DCT: variants seen among roughly 807,000 people sequenced by gnomAD.
The protein encoded by DCT is L-dopachrome tautomerase.
Under a neutral mutation model 53.0 loss-of-function variants are expected in DCT, and 47 were observed. The ratio of observed to expected loss-of-function variants is 0.89; its 90% CI spans 0.70 to 1.13. The LOEUF (loss-of-function observed/expected upper bound fraction) is 1.13, where lower values mean the gene tolerates loss of function less well. Among genes scored for constraint, DCT ranks in the 50% most tolerant of loss-of-function variants. The probability of loss-of-function intolerance (pLI) is 0.00; values close to 1 mark genes in which losing one functional copy is unlikely to be tolerated. For missense variants in DCT, 669 were observed against 637.4 expected, an observed-to-expected ratio of 1.05 and a Z score of -0.53; for synonymous variants, 244 against 237.0, an observed-to-expected ratio of 1.03 and a Z score of -0.27.
At chr13:94,521,183 A>G in the DCT span, among the ~76,000 whole-genome samples, 12,952 of 152,188 alleles carry the variant, frequency 0.085, 1,241 homozygotes, top group African/African-American at 0.24. Flanking sequence ...AACCCCTCTG[A>G]GTTTCTGCTA....
intron 6 of DCT, among the ~76,000 whole-genome samples, chr13:94,453,595 AC>A (rs35543032): frequency 0.035 from 5,360 of 152,290 alleles, 340 homozygotes; most frequent in African/African-American, 0.12. Flanking sequence ...CTGTGTTCCC[AC>A]CCAAATCTCA....
the DCT span, among the ~76,000 whole-genome samples, chr13:94,536,441 T>C: frequency 2.6e-5 from 4 of 152,188 alleles, no homozygotes; most frequent in African/African-American, 7.2e-5. Flanking sequence ...ATCCCCAGTG[T>C]TGGAGGTGGG....
the DCT span, among the ~76,000 whole-genome samples, chr13:94,514,296 G>A: frequency 9.1e-5 from 13 of 142,084 alleles, 1 homozygote; most frequent in Non-Finnish European, 1.5e-4. Context: ...AGAAAGGGGA[G>A]GTGGCCAAAC....
chr13:94,477,306 G>A (rs1264818095), intron 1 of DCT, among the ~76,000 whole-genome samples: 1 of 152,084 alleles, frequency 6.6e-6, no homozygotes, highest in African/African-American at 2.4e-5. Context: ...ATGTTGGCCA[G>A]GCTGGTCTCA....
At chr13:94,511,119 A>C in the DCT span, among the ~76,000 whole-genome samples, 7 of 152,256 alleles carry the variant, frequency 4.6e-5, no homozygotes, top group African/African-American at 1.7e-4. Context: ...GCATCAGTGG[A>C]CTTGAGGATA....
the DCT span, among the ~76,000 whole-genome samples, chr13:94,536,992 G>A: frequency 6.6e-6 from 1 of 152,154 alleles, no homozygotes; most frequent in African/African-American, 2.4e-5. Flanking sequence ...AAGCTGAGCA[G>A]GTGTGGGTGC....
chr13:94,459,644 T>C (rs1396172982), intron 6 of DCT, among the ~76,000 whole-genome samples: 3 of 152,090 alleles, frequency 2.0e-5, no homozygotes, highest in Non-Finnish European at 2.9e-5. Flanking sequence ...TTCTTCTTTC[T>C]CAAGTAAAGC....
the DCT span, among the ~76,000 whole-genome samples, chr13:94,491,564 G>A: frequency 1.3e-5 from 2 of 152,156 alleles, no homozygotes; most frequent in Admixed American, 6.5e-5. Flanking sequence ...AATAAACGGT[G>A]AAACTGGGCA....
chr13:94,498,453 A>G, the DCT span, among the ~76,000 whole-genome samples: 59,999 of 152,080 alleles, frequency 0.39, 12,035 homozygotes, highest in African/African-American at 0.46. Flanking sequence ...TAAGGTCACA[A>G]GGGTGGAGCC....
At position 94,479,046 on chromosome 13, in the gene DCT, G is replaced by A. The variant is rs1193725018; in HGVS notation, c.210C>T (p.Pro70=). ...QCTEVRADTR[P]WSGPYILRNQ... The stretch of plus-strand genomic sequence containing the variant: ...TTCGTAGGATGTAGGGACCACTCCA[G>A]GGCCTTGTGTCGGCTCGCACCTCTG... Residue 70 remains proline, a synonymous_variant, in exon 1 of 8, where the codon CCC becomes CCT. Coordinates refer to ENST00000377028, the MANE Select transcript of DCT (RefSeq NM_001922.5). 6.2e-7 allele frequency: 1 copy of A among 1,614,228 alleles called. No homozygotes were observed. The highest frequency in any genetic ancestry group is 8.5e-7 in the Non-Finnish European group (1 of 1,180,024).
chr13:94,519,416 G>A, the DCT span, among the ~76,000 whole-genome samples: 1 of 152,032 alleles, frequency 6.6e-6, no homozygotes, highest in Admixed American at 6.6e-5. Context: ...AGCAAAACCT[G>A]GTTTTGTACC....
intron 7 of DCT, among the ~76,000 whole-genome samples, chr13:94,441,130 T>A (rs1328980408): frequency 6.6e-6 from 1 of 152,230 alleles, no homozygotes; most frequent in Non-Finnish European, 1.5e-5. Context: ...GTCCTTTTTC[T>A]GCAATCCCAT....
chr13:94,490,648 A>C, the DCT span, among the ~76,000 whole-genome samples: 2 of 152,046 alleles, frequency 1.3e-5, no homozygotes, highest in Non-Finnish European at 2.9e-5. Flanking sequence ...ATGCACACAC[A>C]CACATACACA....
chr13:94,545,929 C>T, the DCT span, among the ~76,000 whole-genome samples: 4 of 152,026 alleles, frequency 2.6e-5, no homozygotes, highest in Admixed American at 1.3e-4. Flanking sequence ...AGATTTTCTC[C>T]TTGACCAAAT....
At chr13:94,475,982 G>A (rs954628298) in intron 1 of DCT, among the ~76,000 whole-genome samples, 2 of 152,132 alleles carry the variant, frequency 1.3e-5, no homozygotes, top group Non-Finnish European at 2.9e-5. Flanking sequence ...ATCACGGGGG[G>A]AGGTGAGCCA....
In DCT at chr13:94,465,770, C is replaced by G; in HGVS notation, c.726G>C (p.Leu242Phe). Residue 242 changes from leucine to phenylalanine, a missense_variant, in exon 4 of 8, where the codon TTG becomes TTC. By Grantham distance (22) the Leu-to-Phe change is conservative. Coordinates refer to ENST00000377028, the MANE Select transcript of DCT (RefSeq NM_001922.5). Reference protein sequence around the residue: ...QRLIGNESFALPYWNFATGRN... With the variant: ...QRLIGNESFAFPYWNFATGRN... ...TCCCAGTGGCAAAGTTCCAGTAGGG[C>G]AAAGCAAAAGACTCATTGCCAATGA... The G allele has an allele frequency of 6.2e-7, 1 of 1,611,288 alleles. No individual in the cohort carries two copies. The highest frequency in any genetic ancestry group is 8.5e-7 in the Non-Finnish European group (1 of 1,178,740).
rs904426533 is a variant in DCT at position 94,437,246 on chromosome 13, A to G, written c.*2652T>C. The G allele has an allele frequency of 6.6e-6, 1 of 152,218 alleles. No individual in the cohort carries two copies. The highest frequency in any genetic ancestry group is 2.4e-5 in the African/African-American group (1 of 41,460). The allele number at this position is 152,218 out of a possible 1,614,324, so 9.4% of individuals were successfully genotyped here. On this transcript the variant is annotated 3_prime_UTR_variant, in exon 8 of 8. Transcript: ENST00000377028. ...ATTTCAATATACATGCTGAGTGCCC[A>G]AAAGATGGGAATTGATGCACACTAC...
chr13:94,440,713 C>A (rs1171049953), intron 7 of DCT, among the ~76,000 whole-genome samples: 2 of 124,616 alleles, frequency 1.6e-5, no homozygotes, highest in Non-Finnish European at 3.2e-5. Context: ...TAAAGTCTCG[C>A]TCTGTCGCCC....
chr13:94,498,515 T>C, the DCT span, among the ~76,000 whole-genome samples: 1 of 152,180 alleles, frequency 6.6e-6, no homozygotes, highest in African/African-American at 2.4e-5. Flanking sequence ...AGAGCTTTCC[T>C]CTATAAACCA....
Sources: allele counts gnomAD v4.1 joint callset (sites outside exome capture counted in the v4.1 genomes callset), GRCh38; gene constraint gnomAD v4.1.1; transcripts MANE v1.5; gene names NCBI Gene and HGNC (gene_info 2026-07-23, HGNC 2026-07-21).